The following SPATA22 variants were observed in gnomAD, a reference collection of about 807,000 sequenced individuals.
SPATA22 encodes spermatogenesis associated 22, also known as spermatogenesis-associated protein 22.
In SPATA22, 29 loss-of-function variants were observed where a neutral mutation model predicts 47.8. The observed-to-expected ratio is 0.61, with a 90% confidence interval of 0.45 to 0.83. The LOEUF (loss-of-function observed/expected upper bound fraction) is 0.83, where lower values mean the gene tolerates loss of function less well. Among genes scored for constraint, SPATA22 ranks in the 40% least tolerant of loss-of-function variants. The pLI is 0.00. For synonymous variants in SPATA22, 133 were observed against 140.9 expected, an observed-to-expected ratio of 0.94 and a Z score of 0.40; for missense variants, 410 against 421.7, an observed-to-expected ratio of 0.97 and a Z score of 0.24.
intron 3 of SPATA22, among the ~76,000 whole-genome samples, chr17:3,463,822 T>G (rs1397895493): frequency 6.6e-6 from 1 of 152,154 alleles, no homozygotes; most frequent in Non-Finnish European, 1.5e-5. Context: ...TCTATTCTAC[T>G]CTATTCTCTT....
rs534206760 is a variant in SPATA22 at position 3,507,400 on chromosome 17, C to T, written c.-74+6012G>A. 1.1e-3 allele frequency among the ~76,000 whole-genome samples: 161 copies of T among 152,268 alleles called. 1 individual carries two copies. The highest frequency in any genetic ancestry group is 2.7e-3 in the Admixed American group (42 of 15,300). The stretch of plus-strand genomic sequence containing the variant: ...ATCTTAAATGGAAGAAACTGTCTTA[C>T]TTATATTTGTATCATCTATCATTGC... On this transcript the variant is annotated intron_variant, in intron 1 of 8. Coordinates refer to the SPATA22 transcript ENST00000541913.
At chr17:3,473,411 C>T (rs1424538288), upstream of SPATA22, among the ~76,000 whole-genome samples, 10 of 152,154 alleles carry the variant, frequency 6.6e-5, no homozygotes, top group Admixed American at 3.9e-4. Context: ...GGAAACAACC[C>T]ACCTTAAATT....
intron 3 of SPATA22, among the ~76,000 whole-genome samples, chr17:3,465,707 C>T (rs2073289053): frequency 6.6e-6 from 1 of 151,128 alleles, no homozygotes; most frequent in African/African-American, 2.4e-5. Context: ...TATCTGCTGA[C>T]CTTCCCTCCA....
intron 5 of SPATA22, among the ~76,000 whole-genome samples, chr17:3,458,855 C>CAAAAAAAAAA (rs545223532): frequency 7.0e-4 from 27 of 38,342 alleles, no homozygotes; most frequent in African/African-American, 1.7e-3. Flanking sequence ...CGAAACTTCA[C>CAAAAAAAAAA]AAAAAAAAAA....
intron 1 of SPATA22, among the ~76,000 whole-genome samples, chr17:3,503,722 C>T (rs1160774333): frequency 1.3e-5 from 2 of 152,180 alleles, no homozygotes; most frequent in South Asian, 4.2e-4. Flanking sequence ...TAATCTATAA[C>T]ATATTGCTGT....
chr17:3,491,647 C>T (rs1425334341), intron 1 of SPATA22, among the ~76,000 whole-genome samples: 1 of 151,936 alleles, frequency 6.6e-6, no homozygotes, highest in Non-Finnish European at 1.5e-5. Context: ...ACTCCGAAGG[C>T]TGAGACATGA....
At chr17:3,487,851 C>A (rs954259907) in intron 1 of SPATA22, among the ~76,000 whole-genome samples, 4 of 152,290 alleles carry the variant, frequency 2.6e-5, no homozygotes, top group African/African-American at 9.6e-5. Flanking sequence ...TTGGGGTAGG[C>A]AAACGACAAT....
chr17:3,484,693 T>G (rs2318036), intron 1 of SPATA22, among the ~76,000 whole-genome samples: 98,740 of 152,138 alleles, frequency 0.65, 33,479 homozygotes, highest in Non-Finnish European at 0.76. Flanking sequence ...CTTGAATATT[T>G]TAGCAATGTC....
chr17:3,476,339 G>C (rs747159862), upstream of SPATA22: 1 of 1,614,150 alleles, frequency 6.2e-7, no homozygotes, highest in South Asian at 1.1e-5. Context: ...CAGTGAAGAA[G>C]TGTACCAGAT....
intron 1 of SPATA22, among the ~76,000 whole-genome samples, chr17:3,491,675 G>A (rs1338279432): frequency 6.6e-6 from 1 of 151,948 alleles, no homozygotes; most frequent in African/African-American, 2.4e-5. Context: ...TTGAACCAAG[G>A]AGGCAGAGAT....
chr17:3,496,797 T>G (rs946766869), intron 1 of SPATA22, among the ~76,000 whole-genome samples: 1 of 152,188 alleles, frequency 6.6e-6, no homozygotes, highest in African/African-American at 2.4e-5. Flanking sequence ...CCAGGAGCGG[T>G]GGCTCACGCC....
chr17:3,507,808 G>A (rs2074056466), intron 1 of SPATA22, among the ~76,000 whole-genome samples: 1 of 152,162 alleles, frequency 6.6e-6, no homozygotes, highest in East Asian at 1.9e-4. Flanking sequence ...ATCCTTTGGG[G>A]AGGTAATTTC....
At chr17:3,448,085 A>T (rs1038223921) in intron 6 of SPATA22, among the ~76,000 whole-genome samples, 9 of 152,212 alleles carry the variant, frequency 5.9e-5, no homozygotes, top group African/African-American at 2.2e-4. Context: ...AGATACAGGT[A>T]TAGGGAAGAA....
chr17:3,444,476 T>C (rs890930275), intron 7 of SPATA22, among the ~76,000 whole-genome samples: 1 of 152,038 alleles, frequency 6.6e-6, no homozygotes, highest in African/African-American at 2.4e-5. Flanking sequence ...CGGTGTGGTA[T>C]AAGAATGTAT....
intron 1 of SPATA22, chr17:3,483,351 C>A: frequency 1.4e-6 from 1 of 698,794 alleles, no homozygotes; most frequent in Non-Finnish European, 2.6e-6. Flanking sequence ...AGCTATAATA[C>A]CATTGGGTTT....
intron 1 of SPATA22, chr17:3,489,315 C>T (rs763251910): frequency 1.2e-6 from 2 of 1,612,420 alleles, no homozygotes; most frequent in Non-Finnish European, 1.7e-6. Flanking sequence ...TAAACATGCT[C>T]TTGATTTTAT....
chr17:3,458,975 G>A (rs968101640), intron 5 of SPATA22, among the ~76,000 whole-genome samples: 9 of 150,216 alleles, frequency 6.0e-5, no homozygotes. Flanking sequence ...TTAAAAAGAA[G>A]TAAATCCTGC....
chr17:3,452,240 A>G (rs1437110761), intron 5 of SPATA22, among the ~76,000 whole-genome samples: 3 of 151,630 alleles, frequency 2.0e-5, no homozygotes, highest in Non-Finnish European at 4.4e-5. Context: ...AAATAAGCAT[A>G]TAAAGGCAAT....
chr17:3,444,353 G>A (rs149905585), intron 7 of SPATA22, among the ~76,000 whole-genome samples: 23 of 152,064 alleles, frequency 1.5e-4, no homozygotes, highest in African/African-American at 5.3e-4. Context: ...ACTCAACTAC[G>A]TAGTTCAGGG....
Sources: gnomAD v4.1 joint callset for allele counts (sites outside exome capture counted in the v4.1 genomes callset) on GRCh38, gnomAD v4.1.1 for gene constraint, MANE v1.5 for transcripts, NCBI Gene and HGNC (gene_info 2026-07-23, HGNC 2026-07-21) for gene names.